The following BMF variants were observed in gnomAD, a reference collection of about 807,000 sequenced individuals.
BMF encodes Bcl2 modifying factor, also known as bcl-2-modifying factor.
Under a neutral mutation model 22.0 loss-of-function variants are expected in BMF, and 10 were observed. That is an observed-to-expected ratio of 0.45 (90% CI 0.28 to 0.77). BMF has a LOEUF of 0.77. Among genes scored for constraint, BMF ranks in the 30% least tolerant of loss-of-function variants. BMF has a pLI of 0.13. For missense variants in BMF, 206 were observed against 226.8 expected (o/e 0.91, Z 0.59); for synonymous variants, 87 against 88.1 (o/e 0.99, Z 0.07).
chr15:40,095,397 C>T (rs2036335560), intron 4 of BMF, among the ~76,000 whole-genome samples: 1 of 152,300 alleles, frequency 6.6e-6, no homozygotes, highest in African/African-American at 2.4e-5. Flanking sequence ...GGATGAAGAA[C>T]ACAAAGATAC....
intron 4 of BMF, among the ~76,000 whole-genome samples, chr15:40,096,241 C>A (rs2036357967): frequency 1.3e-5 from 2 of 151,176 alleles, no homozygotes; most frequent in African/African-American, 2.4e-5. Flanking sequence ...CTGTTTCATC[C>A]CACACAGCCT....
At chr15:40,102,845 C>G (rs960882636) in intron 4 of BMF, among the ~76,000 whole-genome samples, 2 of 152,146 alleles carry the variant, frequency 1.3e-5, no homozygotes, top group Admixed American at 1.3e-4. Context: ...AGGGGAAACT[C>G]GAAGCCAAGT....
chr15:40,099,881 A>G (rs1485111088), intron 4 of BMF, among the ~76,000 whole-genome samples: 5 of 151,912 alleles, frequency 3.3e-5, no homozygotes, highest in African/African-American at 1.2e-4. Context: ...AGATCTGCCT[A>G]CAAGTCTAGG....
intron 4 of BMF, among the ~76,000 whole-genome samples, chr15:40,099,074 G>C (rs924661927): frequency 1.3e-5 from 2 of 152,202 alleles, no homozygotes; most frequent in Admixed American, 1.3e-4. Context: ...TCCCACTCCT[G>C]GGACAGAGGC....
At chr15:40,101,354 G>A (rs1249637545) in intron 4 of BMF, among the ~76,000 whole-genome samples, 1 of 152,150 alleles carries the variant, frequency 6.6e-6, no homozygotes, top group African/African-American at 2.4e-5. Flanking sequence ...AAAATTCTGT[G>A]GTATTAGCAC....
At chr15:40,105,702 G>T in intron 3 of BMF, 93 bp downstream of exon 3, 2 of 1,409,926 alleles carry the variant, frequency 1.4e-6, no homozygotes, top group Admixed American at 2.3e-5. Context: ...TCACTTTGGG[G>T]GAAGGAAACA....
intron 4 of BMF, among the ~76,000 whole-genome samples, chr15:40,097,799 G>T (rs777776796): frequency 3.3e-5 from 5 of 152,128 alleles, no homozygotes; most frequent in African/African-American, 1.2e-4. Context: ...TGCAGAGCAC[G>T]TCTCTCAATA....
chr15:40,105,220 G>C (rs62018159), intron 3 of BMF, among the ~76,000 whole-genome samples: 1 of 152,126 alleles, frequency 6.6e-6, no homozygotes, highest in Admixed American at 6.5e-5. Context: ...TTTTGCCAGA[G>C]GAGGGCATAT....
At chr15:40,095,352 C>T (rs544349797) in intron 4 of BMF, among the ~76,000 whole-genome samples, 10 of 152,258 alleles carry the variant, frequency 6.6e-5, no homozygotes, top group Non-Finnish European at 1.0e-4. Flanking sequence ...GTGGGAGAAA[C>T]AGTGAGGAGG....
At chr15:40,101,198 G>A (rs1232345226) in intron 4 of BMF, among the ~76,000 whole-genome samples, 1 of 152,214 alleles carries the variant, frequency 6.6e-6, no homozygotes, top group Non-Finnish European at 1.5e-5. Flanking sequence ...CCCCTGCCAG[G>A]TGGAGTGGGA....
Position 40,108,243 on chromosome 15 carries a change from CA to C in BMF, c.-6+15del. ...GAACACACACACACACACACACACA[CA>C]CACACACCCCAGACCTGGGTGACTC... On this transcript the variant is annotated intron_variant, in intron 2 of 4. Coordinates refer to ENST00000354670, the MANE Select transcript of BMF (RefSeq NM_001003940.2). 6.5e-6 allele frequency: 1 copy of C among 154,518 alleles called. No homozygotes were observed. The highest frequency in any genetic ancestry group is 2.4e-5 in the African/African-American group (1 of 41,340). 9.6% of individuals were successfully genotyped at this position (154,518 alleles called of 1,614,324 possible). A position where few individuals can be genotyped will look rare whatever the true frequency, so the allele number is the denominator to read the frequency against.
intron 4 of BMF, among the ~76,000 whole-genome samples, chr15:40,098,407 T>G (rs1462082094): frequency 6.6e-6 from 1 of 151,924 alleles, no homozygotes; most frequent in Non-Finnish European, 1.5e-5. Context: ...ACTGGGCAAC[T>G]TCTTCAGAGC....
chr15:40,101,474 C>T (rs1321866973), intron 4 of BMF, among the ~76,000 whole-genome samples: 1 of 152,164 alleles, frequency 6.6e-6, no homozygotes, highest in African/African-American at 2.4e-5. Flanking sequence ...AACCCAAAGC[C>T]TAGAAACTAA....
intron 4 of BMF, among the ~76,000 whole-genome samples, chr15:40,103,725 T>C (rs2036526873): frequency 6.6e-6 from 1 of 152,188 alleles, no homozygotes; most frequent in South Asian, 2.1e-4. Flanking sequence ...TTCCACCACT[T>C]TCCCCAACTC....
chr15:40,098,852 G>T (rs1331813038), intron 4 of BMF, among the ~76,000 whole-genome samples: 1 of 152,210 alleles, frequency 6.6e-6, no homozygotes, highest in Non-Finnish European at 1.5e-5. Flanking sequence ...TCTCCTGGAA[G>T]AGAGAGCAGT....
intron 4 of BMF, among the ~76,000 whole-genome samples, 194 bp from the exon 5 acceptor site, chr15:40,092,082 A>T (rs2036245610): frequency 6.6e-6 from 1 of 152,190 alleles, no homozygotes; most frequent in African/African-American, 2.4e-5. Flanking sequence ...TGAGTTCTCC[A>T]AAAACAATTG....
At chr15:40,108,144 G>A (rs1013151965) in intron 2 of BMF, 115 bp downstream of exon 2, 3 of 152,658 alleles carry the variant, frequency 2.0e-5, no homozygotes, top group African/African-American at 7.2e-5. Context: ...CTGGAAGAGG[G>A]ATGCTGAACT....
intron 2 of BMF, 104 bp downstream of exon 2, chr15:40,108,155 T>TA (rs2036624987): frequency 6.6e-6 from 1 of 152,526 alleles, no homozygotes; most frequent in African/African-American, 2.4e-5. Flanking sequence ...ATGCTGAACT[T>TA]AGACTCCTCC....
At chr15:40,097,375 T>G (rs1340394390) in intron 4 of BMF, among the ~76,000 whole-genome samples, 2 of 152,208 alleles carry the variant, frequency 1.3e-5, no homozygotes, top group Non-Finnish European at 1.5e-5. Flanking sequence ...GATTAAAATA[T>G]TATAAACTTG....
Sources: allele counts gnomAD v4.1 joint callset (sites outside exome capture counted in the v4.1 genomes callset), GRCh38; gene constraint gnomAD v4.1.1; transcripts MANE v1.5; gene names NCBI Gene and HGNC (gene_info 2026-07-23, HGNC 2026-07-21).